CACNA1A: variants seen among roughly 807,000 people sequenced by gnomAD.
CACNA1A encodes the protein calcium voltage-gated channel subunit alpha1 A, also known as voltage-dependent P/Q-type calcium channel subunit alpha-1A.
Under a neutral mutation model 262.4 loss-of-function variants are expected in CACNA1A, and 57 were observed. The ratio of observed to expected loss-of-function variants is 0.22; its 90% CI spans 0.18 to 0.27. The LOEUF (loss-of-function observed/expected upper bound fraction) is 0.27, where lower values mean the gene tolerates loss of function less well. CACNA1A is among the 10% of genes least tolerant of loss of function. The pLI is 1.00. For synonymous variants in CACNA1A, 1,431 were observed against 1,419.3 expected (o/e 1.01, Z -0.18); for missense variants, 2,526 against 3,562.8 (o/e 0.71, Z 7.41).
intron 3 of CACNA1A, among the ~76,000 whole-genome samples, chr19:13,441,377 A>G (rs1277331103): frequency 6.6e-6 from 1 of 152,156 alleles, no homozygotes; most frequent in East Asian, 1.9e-4. Context: ...ACAGAGTCCT[A>G]TTCTGTTGGC....
At chr19:13,345,978 G>A (rs6511861) in intron 6 of CACNA1A, among the ~76,000 whole-genome samples, 99,631 of 145,762 alleles carry the variant, frequency 0.68, 34,295 homozygotes, top group East Asian at 0.86. Flanking sequence ...TCAACTCACT[G>A]CAACCTCCAT....
chr19:13,234,219 G>A (rs544857415), intron 34 of CACNA1A, among the ~76,000 whole-genome samples: 16 of 150,636 alleles, frequency 1.1e-4, no homozygotes, highest in Non-Finnish European at 1.5e-4. Flanking sequence ...GCGTGGTGGC[G>A]GGCGCCTGTA....
At chr19:13,450,139 C>CAAAAA (rs367559329) in intron 3 of CACNA1A, among the ~76,000 whole-genome samples, 51 of 52,136 alleles carry the variant, frequency 9.8e-4, no homozygotes, top group African/African-American at 1.8e-3. Context: ...AGACTCTTGT[C>CAAAAA]AAAAAAAAAA....
Position 13,214,346 on chromosome 19 carries a change from A to T in CACNA1A, c.5840-13T>A. 1 of 1,611,536 alleles carries T rather than the reference A, an allele frequency of 6.2e-7. No individual in the cohort carries two copies. Among genetic ancestry groups the T allele is most frequent in the Non-Finnish European group, 8.5e-7 (1 of 1,178,888 alleles). ...GTGAGGTCCGTGGCTGGGGGCACACACACGGTGAGCTCACCAAGGGCAGGC... is the reference window on the plus strand; with the variant it reads ...GTGAGGTCCGTGGCTGGGGGCACACTCACGGTGAGCTCACCAAGGGCAGGC... On this transcript the variant is annotated splice_polypyrimidine_tract_variant and intron_variant, in intron 39 of 46. Coordinates refer to ENST00000360228, the MANE Select transcript of CACNA1A (RefSeq NM_001127222.2). This position sits in a 1 kb window ranked among gnomAD's most constrained non-coding sequence, Gnocchi z 4.1.
intron 19 of CACNA1A, among the ~76,000 whole-genome samples, chr19:13,298,220 CCCT>C (rs1364208526): frequency 6.9e-6 from 1 of 144,794 alleles, no homozygotes; most frequent in African/African-American, 2.5e-5. Flanking sequence ...AACCTCCGCC[CCCT>C]GTTTTCAGGC....
intron 3 of CACNA1A, among the ~76,000 whole-genome samples, chr19:13,413,455 C>T (rs2060152286): frequency 6.6e-6 from 1 of 150,868 alleles, no homozygotes; most frequent in Non-Finnish European, 1.5e-5. Context: ...GCCTGTAGTC[C>T]CAGCTACTAG....
rs543142351 is a variant in CACNA1A at position 13,332,198 on chromosome 19, C to G, written c.1255+671G>C. On this transcript the variant is annotated intron_variant, in intron 9 of 46. Transcript: ENST00000360228. ...TGCAGATCATTTGAGGCAAGGAGTT[C>G]AAGACCAGCCCGGCCAACATGGCGA... Among the ~76,000 whole-genome samples, 5 of 152,196 alleles carry G rather than the reference C, an allele frequency of 3.3e-5. No homozygotes were observed. The South Asian group carries it at 1.0e-3, about 32-fold the overall frequency.
chr19:13,240,429 GAC>G (rs1236552496), intron 31 of CACNA1A, among the ~76,000 whole-genome samples: 3 of 151,672 alleles, frequency 2.0e-5, no homozygotes, highest in Non-Finnish European at 2.9e-5. Flanking sequence ...TTTGCATAGT[GAC>G]AGTGTGTGCA....
In CACNA1A at chr19:13,241,561, C is replaced by T. The variant is rs747124007; in HGVS notation, c.4950+3621G>A. Reference sequence around the variant, plus strand: ...GATGTTGAAGATGAGGGGGAGCGGGCGGGCGGGGGCAGTTGGGGAGGCGTG... The same window carrying T: ...GATGTTGAAGATGAGGGGGAGCGGGTGGGCGGGGGCAGTTGGGGAGGCGTG... On this transcript the variant is annotated intron_variant, in intron 31 of 46. Coordinates refer to ENST00000360228, the MANE Select transcript of CACNA1A (RefSeq NM_001127222.2). The surrounding 1 kb of genome is among the most constrained non-coding windows in gnomAD (Gnocchi z 4.0). 5.9e-4 allele frequency: 109 copies of T among 185,990 alleles called. No individual in the cohort carries two copies. The highest frequency in any genetic ancestry group is 9.3e-4 in the Non-Finnish European group (89 of 95,642). The allele number at this position is 185,990 out of a possible 1,614,324, so 11.5% of individuals were successfully genotyped here. A position where few individuals can be genotyped will look rare whatever the true frequency, so the allele number is the denominator to read the frequency against.
rs563636354 is a variant in CACNA1A at position 13,250,788 on chromosome 19, C to A, written c.4866+2203G>T. On this transcript the variant is annotated intron_variant, in intron 30 of 46. Transcript: ENST00000360228. ...TGCATAAAGGCTTGTAAATGCATAA[C>A]AAAATAGCAAGGGCTTCAAGGTTAC... Among the ~76,000 whole-genome samples, 4 of 152,238 alleles carry A rather than the reference C, an allele frequency of 2.6e-5. No homozygotes were observed. In the South Asian group the frequency reaches 6.2e-4, roughly 24 times the overall value.
chr19:13,217,959 AG>A, intron 38 of CACNA1A, among the ~76,000 whole-genome samples: 1 of 145,556 alleles, frequency 6.9e-6, no homozygotes, highest in South Asian at 2.2e-4. Flanking sequence ...TTTAAAAAAA[AG>A]AGATAGGGTC....
At chr19:13,303,699 G>C in intron 16 of CACNA1A, 68 bp downstream of exon 16, 1 of 1,556,254 alleles carries the variant, frequency 6.4e-7, no homozygotes, top group Non-Finnish European at 8.9e-7. Context: ...ACCCTCCCTT[G>C]AGCCCCTGCA....
chr19:13,234,453 C>T (rs927946190), intron 34 of CACNA1A, among the ~76,000 whole-genome samples: 1 of 151,758 alleles, frequency 6.6e-6, no homozygotes. Context: ...AGAATCAAGC[C>T]TCACGGTCTG....
chr19:13,250,069 T>G (rs2056355886), intron 30 of CACNA1A, among the ~76,000 whole-genome samples: 1 of 152,056 alleles, frequency 6.6e-6, no homozygotes, highest in African/African-American at 2.4e-5. Context: ...TTAATTTTTT[T>G]TTTTTTTTGA....
At position 13,505,871 on chromosome 19, in the gene CACNA1A, A is replaced by AGGGGAGGCGGAGGGAGGAG. The variant is rs996203346; in HGVS notation, c.293+42_293+60dup. 5 of 1,523,252 alleles carry AGGGGAGGCGGAGGGAGGAG rather than the reference A, an allele frequency of 3.3e-6. No individual in the cohort carries two copies. In the African/African-American group the frequency reaches 6.8e-5, roughly 21 times the overall value. 94.4% of individuals were successfully genotyped at this position (1,523,252 alleles called of 1,614,324 possible). The stretch of plus-strand genomic sequence containing the variant: ...CCGGGTCTCTCTCCCAGCCTGGAAG[A>AGGGGAGGCGGAGGGAGGAG]GGGGAGGCGGAGGGAGGAGGGGGAG... On this transcript the variant is annotated intron_variant, in intron 1 of 46. Transcript: ENST00000360228.
rs377287549 is a variant in CACNA1A, at chr19:13,283,415, C to T, written c.3693-19G>A. The T allele has an allele frequency of 1.4e-4, 223 of 1,613,492 alleles. No homozygotes were observed. The highest frequency in any genetic ancestry group is 1.4e-4 in the South Asian group (13 of 91,058). On this transcript the variant is annotated intron_variant, in intron 21 of 46. Transcript: ENST00000360228. ...GCGAAGGCTGTTGGAGACAGATGGG[C>T]GTGCAGAGGTCCACTCAGACCACAG...
chr19:13,415,743 TAAAAAAAAAAAA>T (rs71170510), intron 3 of CACNA1A, among the ~76,000 whole-genome samples: 14 of 42,514 alleles, frequency 3.3e-4, no homozygotes, highest in Admixed American at 1.1e-3. Flanking sequence ...CTGTCTCAAT[TAAAAAAAAAAAA>T]AAAAAAAAAA....
At chr19:13,505,269 G>A (rs1483775457) in intron 1 of CACNA1A, among the ~76,000 whole-genome samples, 1 of 151,998 alleles carries the variant, frequency 6.6e-6, no homozygotes, top group African/African-American at 2.4e-5. Context: ...AAACATAAGC[G>A]CCCCCCAGCC....
intron 5 of CACNA1A, 89 bp from the exon 6 acceptor site, chr19:13,359,888 G>A: frequency 1.2e-6 from 1 of 837,262 alleles, no homozygotes; most frequent in Non-Finnish European, 1.8e-6. Flanking sequence ...TAATGCTGTT[G>A]GAACGAATAA....
Sources: gnomAD v4.1 joint callset for allele counts (sites outside exome capture counted in the v4.1 genomes callset) on GRCh38, gnomAD v4.1.1 for gene constraint, Gnocchi (gnomAD v3.1) non-coding constraint, MANE v1.5 for transcripts, NCBI Gene and HGNC (gene_info 2026-07-23, HGNC 2026-07-21) for gene names.